The following ADGB variants were observed in gnomAD, a reference collection of about 807,000 sequenced individuals.
The protein encoded by ADGB is androglobin.
In ADGB, 172 loss-of-function variants were observed where a neutral mutation model predicts 210.5. The ratio of observed to expected loss-of-function variants is 0.82; its 90% CI spans 0.72 to 0.93. The LOEUF (loss-of-function observed/expected upper bound fraction) is 0.93, where lower values mean the gene tolerates loss of function less well. ADGB is among the 40% of genes least tolerant of loss of function. The pLI is 0.00. For synonymous variants in ADGB, 658 were observed against 662.7 expected (o/e 0.99, Z 0.11); for missense variants, 2,025 against 1,964.8 (o/e 1.03, Z -0.58).
intron 27 of ADGB, among the ~76,000 whole-genome samples, chr6:146,755,640 G>C (rs528520564): frequency 3.9e-5 from 6 of 152,054 alleles, no homozygotes; most frequent in Non-Finnish European, 8.8e-5. Flanking sequence ...TAGTCGGGCA[G>C]TTATTTTTAG....
chr6:146,808,253 G>A (rs1157658076), intron 35 of ADGB, among the ~76,000 whole-genome samples: 8 of 152,088 alleles, frequency 5.3e-5, no homozygotes, highest in Non-Finnish European at 1.0e-4. Flanking sequence ...GCGCGCATCG[G>A]CCTCCCAAAG....
At chr6:146,661,996 C>T (rs1031990099) in intron 5 of ADGB, among the ~76,000 whole-genome samples, 2 of 152,130 alleles carry the variant, frequency 1.3e-5, no homozygotes, top group South Asian at 2.1e-4. Context: ...TCCCTGGCTC[C>T]TGGTGAGCAA....
At chr6:146,746,758 A>G (rs1032069563) in intron 26 of ADGB, among the ~76,000 whole-genome samples, 1 of 152,172 alleles carries the variant, frequency 6.6e-6, no homozygotes, top group Non-Finnish European at 1.5e-5. Context: ...TCCATTGACT[A>G]CAGATAAACT....
chr6:146,666,123 A>G (rs1180579007), intron 6 of ADGB, among the ~76,000 whole-genome samples: 3 of 152,098 alleles, frequency 2.0e-5, no homozygotes, highest in Non-Finnish European at 4.4e-5. Context: ...TGTGTTGGTA[A>G]TGCCATTAAC....
Position 146,717,537 on chromosome 6 carries a change from A to AAT in ADGB, c.1939_1940dup (p.His649SerfsTer29). The AAT allele has an allele frequency of 2.9e-6, 4 of 1,377,604 alleles. No homozygotes were observed. Among genetic ancestry groups the AAT allele is most frequent in the Non-Finnish European group, 2.0e-6 (2 of 1,009,002 alleles). The allele number at this position is 1,377,604 out of a possible 1,614,324, so 85.3% of individuals were successfully genotyped here. On this transcript the variant is annotated frameshift_variant and splice_region_variant, in exon 16 of 36. Coordinates refer to ENST00000397944, the MANE Select transcript of ADGB (RefSeq NM_024694.4). LOFTEE classifies it high-confidence loss of function. ...CTGTTAAAAATGTCTTTCTTTCAGA[A>AAT]ATATATATATTTTCCACAAGCCAAG...
At chr6:146,630,717 A>C (rs1034707253) in intron 1 of ADGB, among the ~76,000 whole-genome samples, 5 of 152,330 alleles carry the variant, frequency 3.3e-5, no homozygotes, top group Non-Finnish European at 7.4e-5. Context: ...CCAAATGAGG[A>C]AAGGAAGTAT....
In ADGB at chr6:146,633,673, C is replaced by A. The variant is rs968353220; in HGVS notation, c.75-1702C>A. ...CTTTCTTTTATTATTTAAATATTGC[C>A]TTACTATAGATATTTTCCTTAACCA... On this transcript the variant is annotated intron_variant, in intron 1 of 35. Transcript: ENST00000397944. Among the ~76,000 whole-genome samples the A allele has an allele frequency of 2.6e-5, 4 of 152,012 alleles. No individual in the cohort carries two copies. In the South Asian group the frequency reaches 8.3e-4, roughly 31 times the overall value.
At chr6:146,762,845 C>T (rs1156361571) in intron 27 of ADGB, among the ~76,000 whole-genome samples, 1 of 152,114 alleles carries the variant, frequency 6.6e-6, no homozygotes, top group Non-Finnish European at 1.5e-5. Context: ...TTCAATGTCT[C>T]TCAACACTGT....
intron 35 of ADGB, among the ~76,000 whole-genome samples, chr6:146,814,139 G>A (rs1283774626): frequency 6.6e-6 from 1 of 152,026 alleles, no homozygotes; most frequent in Non-Finnish European, 1.5e-5. Context: ...AAAACTTCAG[G>A]AAGTCCGATT....
intron 27 of ADGB, among the ~76,000 whole-genome samples, chr6:146,761,794 T>C (rs1777493647): frequency 6.6e-6 from 1 of 152,096 alleles, no homozygotes; most frequent in Admixed American, 6.6e-5. Flanking sequence ...TGAACATTCA[T>C]TCCCTTACAG....
chr6:146,765,073 A>G (rs1351044373), intron 28 of ADGB, among the ~76,000 whole-genome samples: 2 of 152,128 alleles, frequency 1.3e-5, no homozygotes, highest in Non-Finnish European at 2.9e-5. Flanking sequence ...AGCTGGGATT[A>G]CAGGTGCGAG....
chr6:146,736,018 G>A (rs1023907984), intron 22 of ADGB, among the ~76,000 whole-genome samples: 14 of 152,128 alleles, frequency 9.2e-5, no homozygotes, highest in Non-Finnish European at 2.1e-4. Flanking sequence ...GTTAGTTTCT[G>A]ATACAGTAAA....
chr6:146,638,505 CA>C (rs1229090013), intron 2 of ADGB, among the ~76,000 whole-genome samples: 1 of 147,066 alleles, frequency 6.8e-6, no homozygotes, highest in Non-Finnish European at 1.5e-5. Context: ...ATCGCAAGGA[CA>C]AAAAACCAAA....
intron 1 of ADGB, among the ~76,000 whole-genome samples, chr6:146,625,432 T>G (rs1780958538): frequency 6.6e-6 from 1 of 152,122 alleles, no homozygotes; most frequent in Admixed American, 6.6e-5. Flanking sequence ...ATTGACATCT[T>G]TATAAAGTAG....
chr6:146,760,970 T>C (rs184103583), intron 27 of ADGB, among the ~76,000 whole-genome samples: 131 of 152,108 alleles, frequency 8.6e-4, no homozygotes, highest in African/African-American at 2.9e-3. Flanking sequence ...TAACCTGTTC[T>C]TCATATATTC....
Position 146,801,948 on chromosome 6 carries a change from C to G in ADGB, c.4755C>G (p.Asn1585Lys), listed in dbSNP as rs1010053246. Reference sequence around the variant, plus strand: ...GGACCAGAGTCCTTAGCATTCGAAACATTGACCAAGAAGAGCGGTTGAAGT... The same window carrying G: ...GGACCAGAGTCCTTAGCATTCGAAAGATTGACCAAGAAGAGCGGTTGAAGT... ...QHRTRVLSIR[N>K]IDQEERLKLK... The change falls in exon 35 of 36, where the codon AAC becomes AAG. Residue 1585 changes from asparagine (N) to lysine (K), a missense_variant. Physicochemically the swap from Asn to Lys is moderately conservative, Grantham distance 94 (BLOSUM62 0). Transcript: ENST00000397944. 1.8e-5 allele frequency: 28 copies of G among 1,550,444 alleles called. No homozygotes were observed. The highest frequency in any genetic ancestry group is 2.1e-5 in the Non-Finnish European group (24 of 1,146,550).
chr6:146,662,481 C>T (rs1431449943), intron 5 of ADGB, among the ~76,000 whole-genome samples: 1 of 151,814 alleles, frequency 6.6e-6, no homozygotes, highest in East Asian at 1.9e-4. Context: ...GCCTTTATAT[C>T]TTCCATTTCT....
chr6:146,792,337 C>T (rs530329480), intron 33 of ADGB, among the ~76,000 whole-genome samples: 1 of 152,202 alleles, frequency 6.6e-6, no homozygotes, highest in African/African-American at 2.4e-5. Context: ...AACATTAATT[C>T]TTCCAGTCTA....
chr6:146,671,824 C>T (rs866866194), intron 7 of ADGB, among the ~76,000 whole-genome samples: 1 of 152,150 alleles, frequency 6.6e-6, no homozygotes, highest in Admixed American at 6.6e-5. Flanking sequence ...AGAAACAACA[C>T]TGTCACATTC....
Sources: allele counts gnomAD v4.1 joint callset (sites outside exome capture counted in the v4.1 genomes callset), GRCh38; gene constraint gnomAD v4.1.1; transcripts MANE v1.5; gene names NCBI Gene and HGNC (gene_info 2026-07-23, HGNC 2026-07-21).